The following TRERF1 variants were observed in gnomAD, a reference collection of about 807,000 sequenced individuals.
TRERF1 encodes the protein transcriptional regulating factor 1.
A neutral mutation model predicts 122.9 loss-of-function variants in TRERF1; 27 were observed. The ratio of observed to expected loss-of-function variants is 0.22; its 90% confidence interval spans 0.16 to 0.30. The LOEUF (loss-of-function observed/expected upper bound fraction) is 0.30. TRERF1 is among the 10% of genes least tolerant of loss of function. The pLI is 1.00. For synonymous variants in TRERF1, 636 were observed against 641.7 expected (o/e 0.99, Z 0.13); for missense variants, 1,248 against 1,560.3 (o/e 0.80, Z 3.37).
At chr6:42,244,611 G>A (rs902358622) in intron 14 of TRERF1, among the ~76,000 whole-genome samples, 12 of 152,098 alleles carry the variant, frequency 7.9e-5, no homozygotes, top group African/African-American at 2.7e-4. Context: ...AATATAGCTT[G>A]GAAATTTTTT....
chr6:42,233,331 G>A (rs991581058), intron 16 of TRERF1, among the ~76,000 whole-genome samples: 2 of 148,848 alleles, frequency 1.3e-5, no homozygotes, highest in African/African-American at 5.0e-5. Context: ...TGTCACCCAG[G>A]CTGGAGTGTG....
intron 2 of TRERF1, among the ~76,000 whole-genome samples, chr6:42,439,467 C>G (rs910094951): frequency 3.3e-5 from 5 of 152,150 alleles, no homozygotes; most frequent in African/African-American, 1.2e-4. Context: ...ACCTGTAATC[C>G]CAGCTACTCA....
intron 6 of TRERF1, among the ~76,000 whole-genome samples, chr6:42,265,056 G>A (rs1303095255): frequency 9.2e-5 from 14 of 152,190 alleles, no homozygotes; most frequent in Admixed American, 9.2e-4. Context: ...TCCAGAGTGG[G>A]AAAAGGCCTT....
At chr6:42,438,349 C>T (rs1400376556) in intron 2 of TRERF1, among the ~76,000 whole-genome samples, 1 of 151,734 alleles carries the variant, frequency 6.6e-6, no homozygotes, top group Non-Finnish European at 1.5e-5. Flanking sequence ...GTGGCTCACG[C>T]CTGTAATCCC....
At chr6:42,353,737 G>T (rs1769941866) in intron 3 of TRERF1, among the ~76,000 whole-genome samples, 1 of 152,074 alleles carries the variant, frequency 6.6e-6, no homozygotes. Flanking sequence ...AGATCTAAAT[G>T]AACAAAGCAT....
At chr6:42,247,774 T>C (rs1263579813) in intron 13 of TRERF1, among the ~76,000 whole-genome samples, 1 of 152,194 alleles carries the variant, frequency 6.6e-6, no homozygotes, top group Non-Finnish European at 1.5e-5. Flanking sequence ...CTAGGGAAGC[T>C]TCCACCACTG....
chr6:42,302,437 ACT>A (rs1312452311), intron 3 of TRERF1, among the ~76,000 whole-genome samples: 16 of 152,154 alleles, frequency 1.1e-4, no homozygotes, highest in Non-Finnish European at 1.0e-4. Context: ...GAAGAAGATA[ACT>A]CTGCAGAAGA....
At chr6:42,416,471 A>G (rs538233323) in intron 2 of TRERF1, among the ~76,000 whole-genome samples, 1 of 152,276 alleles carries the variant, frequency 6.6e-6, no homozygotes, top group East Asian at 1.9e-4. Flanking sequence ...TTCTCCTTAG[A>G]TCCTTTAATA....
chr6:42,353,414 C>T (rs1769864208), intron 3 of TRERF1, among the ~76,000 whole-genome samples: 1 of 151,936 alleles, frequency 6.6e-6, no homozygotes, highest in Non-Finnish European at 1.5e-5. Context: ...TGGTGGAACG[C>T]TCTCTTTAGT....
rs964854289 is a variant in TRERF1, at chr6:42,263,117, G to A, written c.1884+203C>T. The A allele has an allele frequency of 1.6e-6, 2 of 1,288,894 alleles. No homozygotes were observed. The highest frequency in any genetic ancestry group is 2.6e-5 in the South Asian group (1 of 38,514). The allele number at this position is 1,288,894 out of a possible 1,614,324, so 79.8% of individuals were successfully genotyped here. ...GAGCAGGCAGTGTGAACAAGGGTAG[G>A]GTTCCCAATGTGGCCACGGGTTCAG... On this transcript the variant is annotated intron_variant, in intron 8 of 17. Transcript: ENST00000372922. The surrounding 1 kb of genome is among the most constrained non-coding windows in gnomAD (Gnocchi z 5.6).
intron 13 of TRERF1, among the ~76,000 whole-genome samples, chr6:42,247,582 C>T (rs1215404465): frequency 6.6e-6 from 1 of 152,158 alleles, no homozygotes; most frequent in Non-Finnish European, 1.5e-5. Context: ...GATTTGCCGA[C>T]CGAAGAGGGA....
intron 3 of TRERF1, among the ~76,000 whole-genome samples, chr6:42,334,517 A>G (rs1480894026): frequency 6.6e-6 from 1 of 152,162 alleles, no homozygotes. Context: ...GGTTAGCAAA[A>G]AAAGTGTCTC....
chr6:42,280,018 G>A (rs1457134624), intron 4 of TRERF1, among the ~76,000 whole-genome samples: 4 of 152,184 alleles, frequency 2.6e-5, no homozygotes, highest in African/African-American at 9.6e-5. Context: ...TCCCCTCTGG[G>A]TCTCCTGCCT....
At chr6:42,309,987 C>A (rs1463717978) in intron 3 of TRERF1, among the ~76,000 whole-genome samples, 9 of 152,178 alleles carry the variant, frequency 5.9e-5, no homozygotes, top group African/African-American at 2.2e-4. Flanking sequence ...TAGTCTCCAA[C>A]TCCTAGGCTG....
intron 13 of TRERF1, among the ~76,000 whole-genome samples, chr6:42,251,928 A>G (rs1354326754): frequency 6.6e-6 from 1 of 152,214 alleles, no homozygotes; most frequent in African/African-American, 2.4e-5. Flanking sequence ...GAAAAAAATC[A>G]AGCATGCTGC....
intron 4 of TRERF1, among the ~76,000 whole-genome samples, chr6:42,274,354 C>T (rs1197476617): frequency 2.0e-5 from 3 of 152,064 alleles, no homozygotes; most frequent in South Asian, 2.1e-4. Flanking sequence ...AACAGTGCCT[C>T]GCTAATGGTA....
At position 42,411,376 on chromosome 6, in the gene TRERF1, G is replaced by A. The variant is rs1781071888; in HGVS notation, c.-454+39801C>T. Among the ~76,000 whole-genome samples, 4 of 152,164 alleles carry A rather than the reference G, an allele frequency of 2.6e-5. No individual in the cohort carries two copies. The South Asian group carries it at 8.3e-4, about 31-fold the overall frequency. ...CAGATGAGCTAGAATTCAAACCCAT[G>A]TCTCCCCACCACACCTGGTTATCAC... is the stretch of plus-strand genomic sequence containing the variant. On this transcript the variant is annotated intron_variant, in intron 2 of 17. Coordinates refer to ENST00000372922, the Ensembl canonical transcript of TRERF1.
intron 3 of TRERF1, among the ~76,000 whole-genome samples, chr6:42,302,026 G>A (rs1786298466): frequency 6.6e-6 from 1 of 152,202 alleles, no homozygotes; most frequent in East Asian, 1.9e-4. Context: ...AGGTAACAAA[G>A]TGTGAGGCTC....
intron 2 of TRERF1, among the ~76,000 whole-genome samples, chr6:42,422,097 A>G (rs1782856816): frequency 6.6e-6 from 1 of 151,968 alleles, no homozygotes; most frequent in African/African-American, 2.4e-5. Context: ...GTTTGAACCC[A>G]GGAGACAGAG....
Sources: gnomAD v4.1 joint callset for allele counts (sites outside exome capture counted in the v4.1 genomes callset) on GRCh38, gnomAD v4.1.1 for gene constraint, Gnocchi (gnomAD v3.1) non-coding constraint, MANE v1.5 for transcripts, NCBI Gene and HGNC (gene_info 2026-07-23, HGNC 2026-07-21) for gene names.